Variants in GALNT14 observed in about 807,000 individuals in gnomAD.
GALNT14 encodes the protein polypeptide N-acetylgalactosaminyltransferase 14.
Under a neutral mutation model 77.5 loss-of-function variants are expected in GALNT14, and 60 were observed. The ratio of observed to expected loss-of-function variants is 0.77; its 90% CI spans 0.63 to 0.96. The LOEUF (loss-of-function observed/expected upper bound fraction) is 0.96, where lower values mean the gene tolerates loss of function less well. Ranked by LOEUF, GALNT14 falls within the 40% of genes least tolerant of loss-of-function variation. The probability of loss-of-function intolerance (pLI) is 0.00; values close to 1 mark genes in which losing one functional copy is unlikely to be tolerated. For synonymous variants in GALNT14, 280 were observed against 281.7 expected (o/e 0.99, Z 0.06); for missense variants, 710 against 731.0 (o/e 0.97, Z 0.33).
chr2:30,934,638 C>A (rs1665945182), intron 9 of GALNT14, among the ~76,000 whole-genome samples: 2 of 152,168 alleles, frequency 1.3e-5, no homozygotes, highest in Admixed American at 6.5e-5. Context: ...ACTGACCCCT[C>A]CCTTCTGCCA....
chr2:31,093,824 A>C (rs1676874120), intron 1 of GALNT14, among the ~76,000 whole-genome samples: 1 of 152,242 alleles, frequency 6.6e-6, no homozygotes, highest in African/African-American at 2.4e-5. Context: ...AACATTTGTG[A>C]GCATGGAACA....
chr2:30,909,894 G>A (rs1405993973), downstream of GALNT14, among the ~76,000 whole-genome samples: 52 of 151,880 alleles, frequency 3.4e-4, no homozygotes, highest in Admixed American at 3.4e-3. Flanking sequence ...AAAATGATGA[G>A]TGCATGTCCT....
At chr2:31,120,877 CT>C (rs1678377856) in intron 1 of GALNT14, among the ~76,000 whole-genome samples, 1 of 152,198 alleles carries the variant, frequency 6.6e-6, no homozygotes, top group South Asian at 2.1e-4. Flanking sequence ...TTTGAATCCT[CT>C]TTGTTTTAAA....
chr2:31,046,042 G>A (rs940868509), intron 1 of GALNT14, among the ~76,000 whole-genome samples: 1 of 152,124 alleles, frequency 6.6e-6, no homozygotes, highest in Non-Finnish European at 1.5e-5. Flanking sequence ...GTTATGAGCA[G>A]CCATTGTGCT....
intron 13 of GALNT14, among the ~76,000 whole-genome samples, chr2:30,917,297 C>T (rs1664743553): frequency 6.6e-6 from 1 of 152,056 alleles, no homozygotes; most frequent in African/African-American, 2.4e-5. Flanking sequence ...TGTTTCTAGC[C>T]ACCAGTGGGT....
chr2:31,038,250 C>A (rs867258423), intron 1 of GALNT14, among the ~76,000 whole-genome samples: 2 of 151,010 alleles, frequency 1.3e-5, no homozygotes, highest in Admixed American at 6.6e-5. Context: ...ACATGCACCA[C>A]GCCCAGCTAA....
chr2:30,995,862 A>G (rs7564074), intron 1 of GALNT14, among the ~76,000 whole-genome samples: 7,400 of 152,194 alleles, frequency 0.049, 594 homozygotes, highest in African/African-American at 0.17. Context: ...ATGTATTATA[A>G]ATAGGAATTG....
the GALNT14 span, among the ~76,000 whole-genome samples, chr2:30,899,824 G>C: frequency 3.3e-5 from 5 of 152,210 alleles, no homozygotes; most frequent in South Asian, 1.0e-3. Flanking sequence ...AGAGTCCACA[G>C]ACCACGAGGG....
chr2:30,924,228 A>G lies in GALNT14; in HGVS notation c.1271T>C (p.Ile424Thr). The change falls in exon 13 of 15, where the codon ATC becomes ACC. Residue 424 changes from isoleucine (I) to threonine (T), a missense_variant. Ile to Thr is a moderately conservative substitution (Grantham distance 89, BLOSUM62 -1). Transcript: ENST00000349752. ...PKESSIQKGN[I>T]RQRQKCLESQ... ...TTCCAGGCACTTCTGTCTCTGTCGGATATTGCCCTTCTGGATGGAGGACTC... is the reference window on the plus strand; with the variant it reads ...TTCCAGGCACTTCTGTCTCTGTCGGGTATTGCCCTTCTGGATGGAGGACTC... 1 of 1,614,104 alleles carries G rather than the reference A, an allele frequency of 6.2e-7. No homozygotes were observed. Among genetic ancestry groups the G allele is most frequent in the Non-Finnish European group, 8.5e-7 (1 of 1,180,020 alleles).
intron 2 of GALNT14, among the ~76,000 whole-genome samples, chr2:30,991,888 C>T (rs1359220990): frequency 6.6e-6 from 1 of 152,184 alleles, no homozygotes; most frequent in Non-Finnish European, 1.5e-5. Context: ...TGCTCTACTG[C>T]TCATAAACCC....
chr2:31,122,014 GC>G (rs1678437104), intron 1 of GALNT14, among the ~76,000 whole-genome samples: 1 of 152,126 alleles, frequency 6.6e-6, no homozygotes, highest in Admixed American at 6.5e-5. Context: ...GGAATAAATA[GC>G]CCAGAGGGTG....
intron 1 of GALNT14, among the ~76,000 whole-genome samples, chr2:31,038,445 G>A (rs954929535): frequency 6.6e-5 from 10 of 152,070 alleles, no homozygotes; most frequent in African/African-American, 9.6e-5. Context: ...GTATGAACTC[G>A]GTAAGCCTGG....
rs113716434 is a variant in GALNT14, at chr2:30,912,090, C to T, written c.1500+133G>A. On this transcript the variant is annotated intron_variant, in intron 14 of 14. Transcript: ENST00000349752. ...GGGGATCCCAGGCAGCACTTTCCCT[C>T]CCTCTCCTGACCTCTCTTATCAACT... 5.0e-3 allele frequency: 5,797 copies of T among 1,165,190 alleles called. 36 individuals are homozygous for T. The highest frequency in any genetic ancestry group is 6.1e-3 in the Non-Finnish European group (5,029 of 818,324). 72.2% of individuals were successfully genotyped at this position (1,165,190 alleles called of 1,614,324 possible).
At chr2:30,890,732 G>A in the GALNT14 span, among the ~76,000 whole-genome samples, 1,081 of 152,250 alleles carry the variant, frequency 7.1e-3, 23 homozygotes, top group African/African-American at 0.025. Context: ...CCTCCTCAGT[G>A]TTCCTTGTCT....
chr2:31,035,106 A>G (rs1048167162), intron 1 of GALNT14, among the ~76,000 whole-genome samples: 2 of 152,230 alleles, frequency 1.3e-5, no homozygotes, highest in Admixed American at 1.3e-4. Flanking sequence ...CTATTAGGCC[A>G]AGTTAGTTTG....
chr2:30,941,474 T>C (rs938074076), intron 9 of GALNT14, among the ~76,000 whole-genome samples: 12 of 152,222 alleles, frequency 7.9e-5, no homozygotes, highest in African/African-American at 2.2e-4. Context: ...GTAGAGCTAG[T>C]ATCCTGACGT....
intron 1 of GALNT14, among the ~76,000 whole-genome samples, chr2:31,037,280 T>A (rs1672796805): frequency 1.3e-5 from 2 of 152,228 alleles, no homozygotes; most frequent in South Asian, 4.1e-4. Context: ...TCTAGTGAAC[T>A]TTTCATTTCA....
intron 1 of GALNT14, among the ~76,000 whole-genome samples, chr2:31,073,549 C>T (rs529703947): frequency 2.7e-4 from 41 of 152,190 alleles, no homozygotes; most frequent in African/African-American, 9.9e-4. Flanking sequence ...GGTAATCATG[C>T]AGCTTCCTGG....
intron 1 of GALNT14, among the ~76,000 whole-genome samples, chr2:31,053,644 G>T (rs1674033275): frequency 6.6e-6 from 1 of 152,038 alleles, no homozygotes; most frequent in South Asian, 2.1e-4. Context: ...ATCCCAGGAT[G>T]GTCCTGCCGC....
Sources: gnomAD v4.1 joint callset for allele counts (sites outside exome capture counted in the v4.1 genomes callset) on GRCh38, gnomAD v4.1.1 for gene constraint, MANE v1.5 for transcripts, NCBI Gene and HGNC (gene_info 2026-07-23, HGNC 2026-07-21) for gene names.